The following RPTOR variants were observed in gnomAD, a reference collection of about 807,000 sequenced individuals.
RPTOR encodes the protein regulatory associated protein of MTOR complex 1.
RPTOR carries 21 observed loss-of-function variants against 169.9 expected under a neutral mutation model. The observed-to-expected ratio is 0.12, with a 90% CI of 0.09 to 0.18. The LOEUF is 0.18. RPTOR is among the 10% of genes least tolerant of loss of function. The pLI is 1.00. For synonymous variants in RPTOR, 732 were observed against 753.2 expected, an observed-to-expected ratio of 0.97 and a Z score of 0.46; for missense variants, 1,133 against 1,855.9, an observed-to-expected ratio of 0.61 and a Z score of 7.16.
chr17:80,828,145 GGC>G (rs1458343942), intron 9 of RPTOR, among the ~76,000 whole-genome samples: 5 of 152,202 alleles, frequency 3.3e-5, no homozygotes, highest in African/African-American at 4.8e-5. Context: ...CCACTGTGCT[GGC>G]GGATCACAGC....
chr17:80,594,915 CAGAGGTT>C (rs1191026290), intron 1 of RPTOR, among the ~76,000 whole-genome samples: 1 of 152,094 alleles, frequency 6.6e-6, no homozygotes, highest in Non-Finnish European at 1.5e-5. Flanking sequence ...ATGCATATTT[CAGAGGTT>C]AGAGACAGGA....
intron 13 of RPTOR, among the ~76,000 whole-genome samples, chr17:80,874,987 G>A (rs1409890146): frequency 2.6e-5 from 4 of 152,226 alleles, no homozygotes; most frequent in East Asian, 1.9e-4. Context: ...GGGTATTTGC[G>A]TGAAATCGCG....
Position 80,707,810 on chromosome 17 carries a change from G to A in RPTOR, c.349-31G>A. On this transcript the variant is annotated intron_variant, in intron 3 of 33. Coordinates refer to ENST00000306801, the MANE Select transcript of RPTOR (RefSeq NM_020761.3). This position sits in a 1 kb window ranked among gnomAD's most constrained non-coding sequence, Gnocchi z 5.0. ...TTCCAAGCATTCCCTGGAGTCCGTGGTAAATTTCTTCATTTCTTCTCCTGC... is the reference window on the plus strand; with the variant it reads ...TTCCAAGCATTCCCTGGAGTCCGTGATAAATTTCTTCATTTCTTCTCCTGC... The A allele has an allele frequency of 1.2e-6, 2 of 1,602,722 alleles. No homozygotes were observed. Among genetic ancestry groups the A allele is most frequent in the Non-Finnish European group, 1.7e-6 (2 of 1,171,976 alleles).
At chr17:80,922,640 C>A in intron 21 of RPTOR, 84 bp from the exon 22 acceptor site, 1 of 1,127,306 alleles carries the variant, frequency 8.9e-7, no homozygotes, top group Non-Finnish European at 1.3e-6. Flanking sequence ...TCTGAAGCGG[C>A]TCCACGCCAG....
intron 3 of RPTOR, among the ~76,000 whole-genome samples, chr17:80,665,341 T>C (rs2065756826): frequency 1.9e-4 from 1 of 5,272 alleles, no homozygotes; most frequent in Non-Finnish European, 2.9e-4. Flanking sequence ...CCCTTTCCTT[T>C]CCTTTCCTTT....
intron 9 of RPTOR, among the ~76,000 whole-genome samples, chr17:80,834,035 A>G (rs1306406353): frequency 6.6e-6 from 1 of 152,246 alleles, no homozygotes; most frequent in Non-Finnish European, 1.5e-5. Flanking sequence ...TTAGAATTTA[A>G]TGGGTAATCT....
intron 20 of RPTOR, among the ~76,000 whole-genome samples, chr17:80,903,304 G>A (rs1247306286): frequency 6.6e-6 from 1 of 152,218 alleles, no homozygotes. Context: ...CTGGTGTCAA[G>A]TCCTGACCCC....
Position 80,846,476 on chromosome 17 carries a change from A to G in RPTOR, c.1216A>G (p.Ser406Gly), listed in dbSNP as rs972896302. 1 of 1,614,052 alleles carries G rather than the reference A, an allele frequency of 6.2e-7. No individual in the cohort carries two copies. ...IIEEGTAFRH[S>G]PFFAEQLTAF... is the part of the protein sequence containing the mutation. ...ACCTGTTCTGCTTGCCCCGCAGCAC[A>G]GCCCGTTCTTCGCCGAGCAGCTGAC... The change falls in exon 11 of 34, where the codon AGC (serine) becomes GGC (glycine). Residue 406 changes from serine (S) to glycine (G), a missense_variant. Physicochemically the swap from Ser to Gly is moderately conservative, Grantham distance 56. Coordinates refer to ENST00000306801, the MANE Select transcript of RPTOR (RefSeq NM_020761.3).
chr17:80,634,479 CTGTG>C (rs1156730484), intron 2 of RPTOR, among the ~76,000 whole-genome samples: 1 of 88,122 alleles, frequency 1.1e-5, no homozygotes, highest in Admixed American at 1.2e-4. Context: ...CGTGTGCATA[CTGTG>C]TGTGCATACT....
intron 11 of RPTOR, among the ~76,000 whole-genome samples, chr17:80,849,963 G>A (rs940825958): frequency 3.3e-5 from 5 of 152,138 alleles, no homozygotes; most frequent in African/African-American, 7.3e-5. Flanking sequence ...AACGAAGAGC[G>A]CCTAGGTTAT....
intron 10 of RPTOR, among the ~76,000 whole-genome samples, chr17:80,840,471 G>A (rs71389773): frequency 4.3e-4 from 39 of 89,712 alleles, no homozygotes; most frequent in South Asian, 8.1e-4. Context: ...CGCAGCTCAC[G>A]CTCACCGCAC....
At chr17:80,580,613 C>G (rs78268898) in intron 1 of RPTOR, among the ~76,000 whole-genome samples, 9 of 152,050 alleles carry the variant, frequency 5.9e-5, no homozygotes, top group African/African-American at 2.2e-4. Flanking sequence ...AAGAGTGACC[C>G]GTGTGGGGTT....
intron 2 of RPTOR, among the ~76,000 whole-genome samples, chr17:80,627,047 G>T (rs117170038): frequency 1.6e-4 from 25 of 152,088 alleles, no homozygotes; most frequent in Non-Finnish European, 3.2e-4. Flanking sequence ...ACTGATATTT[G>T]TCCCTTTGTT....
At chr17:80,780,878 T>C (rs1430991626) in intron 6 of RPTOR, among the ~76,000 whole-genome samples, 2 of 152,208 alleles carry the variant, frequency 1.3e-5, no homozygotes, top group African/African-American at 2.4e-5. Context: ...CTAATTGAGT[T>C]TGAGTCAGTG....
chr17:80,922,899 C>A, intron 22 of RPTOR, 72 bp downstream of exon 22: 2 of 1,267,662 alleles, frequency 1.6e-6, no homozygotes, highest in Admixed American at 2.2e-5. Flanking sequence ...TGTCCCTGAG[C>A]CGGCCTCCCC....
intron 1 of RPTOR, among the ~76,000 whole-genome samples, chr17:80,559,560 T>C (rs1315032808): frequency 6.6e-6 from 1 of 152,200 alleles, no homozygotes; most frequent in African/African-American, 2.4e-5. Flanking sequence ...TTGCCCTTGG[T>C]GTGGCATGCG....
chr17:80,657,528 G>A (rs925383518), intron 3 of RPTOR, among the ~76,000 whole-genome samples: 1 of 151,918 alleles, frequency 6.6e-6, no homozygotes, highest in African/African-American at 2.4e-5. Flanking sequence ...GTGTGAATAT[G>A]TTGCTTTCAT....
intron 4 of RPTOR, among the ~76,000 whole-genome samples, chr17:80,724,732 A>T (rs1598258208): frequency 6.6e-6 from 1 of 152,160 alleles, no homozygotes; most frequent in African/African-American, 2.4e-5. Context: ...GACTGTCTGC[A>T]CCTGCCCAGT....
intron 15 of RPTOR, 57 bp from the exon 16 acceptor site, chr17:80,883,724 C>T: frequency 4.4e-6 from 7 of 1,575,456 alleles, no homozygotes; most frequent in Non-Finnish European, 6.1e-6. Context: ...CAGGTACCCA[C>T]CACGTGCCTG....
Sources: allele counts gnomAD v4.1 joint callset (sites outside exome capture counted in the v4.1 genomes callset), GRCh38; gene constraint gnomAD v4.1.1; non-coding constraint Gnocchi (gnomAD v3.1); transcripts MANE v1.5; gene names NCBI Gene and HGNC (gene_info 2026-07-23, HGNC 2026-07-21).